Variants in TACR3 observed in about 807,000 individuals in gnomAD.
TACR3 encodes tachykinin receptor 3, also known as neuromedin-K receptor.
TACR3 carries 34 observed loss-of-function variants against 35.0 expected under a neutral mutation model. The ratio of observed to expected loss-of-function variants is 0.97; its 90% confidence interval spans 0.74 to 1.30. The LOEUF (loss-of-function observed/expected upper bound fraction) is 1.30, where lower values mean the gene tolerates loss of function less well. TACR3 is among the 50% of genes most tolerant of loss of function. The pLI is 0.00. For synonymous variants in TACR3, 233 were observed against 221.1 expected (o/e 1.05, Z -0.48); for missense variants, 558 against 591.7 (o/e 0.94, Z 0.59).
chr4:103,698,684 T>A (rs1046415343), intron 1 of TACR3, among the ~76,000 whole-genome samples: 3 of 152,110 alleles, frequency 2.0e-5, no homozygotes, highest in Non-Finnish European at 4.4e-5. Context: ...AAATTTTTAA[T>A]AATGAACTCA....
At chr4:103,637,594 T>A (rs1240572396) in intron 3 of TACR3, among the ~76,000 whole-genome samples, 1 of 152,104 alleles carries the variant, frequency 6.6e-6, no homozygotes, top group Admixed American at 6.6e-5. Context: ...GCCAGGGCAA[T>A]CAGGCAGGAG....
chr4:103,642,737 T>G (rs537897706), intron 3 of TACR3, among the ~76,000 whole-genome samples: 1 of 151,934 alleles, frequency 6.6e-6, no homozygotes, highest in Non-Finnish European at 1.5e-5. Context: ...TACATTCCAG[T>G]GTTTAATAAC....
intron 3 of TACR3, among the ~76,000 whole-genome samples, chr4:103,641,751 T>C (rs774316716): frequency 4.5e-4 from 68 of 152,004 alleles, no homozygotes; most frequent in Middle Eastern, 3.4e-3. Flanking sequence ...GATGAATGGA[T>C]AAAAAACGTG....
chr4:103,625,777 A>T (rs1395359152), intron 3 of TACR3, among the ~76,000 whole-genome samples: 1 of 152,130 alleles, frequency 6.6e-6, no homozygotes, highest in Non-Finnish European at 1.5e-5. Flanking sequence ...TCCTCCTAAA[A>T]TTTTTTTGTT....
At chr4:103,605,876 G>GT (rs1373767041) in intron 3 of TACR3, among the ~76,000 whole-genome samples, 2 of 152,184 alleles carry the variant, frequency 1.3e-5, no homozygotes, top group African/African-American at 4.8e-5. Context: ...GGCTTTTGGT[G>GT]TTTTAGACAT....
chr4:103,609,644 G>T (rs1480014166), intron 3 of TACR3, among the ~76,000 whole-genome samples: 1 of 152,030 alleles, frequency 6.6e-6, no homozygotes, highest in African/African-American at 2.4e-5. Context: ...ATTTTGAAGT[G>T]TACAATACAT....
At chr4:103,705,715 G>T (rs1560539183) in intron 1 of TACR3, among the ~76,000 whole-genome samples, 1 of 152,086 alleles carries the variant, frequency 6.6e-6, no homozygotes, top group Admixed American at 6.6e-5. Flanking sequence ...AGCTAATGAG[G>T]AATTGGAAGA....
At chr4:103,625,378 G>C (rs1026692949) in intron 3 of TACR3, among the ~76,000 whole-genome samples, 1 of 151,964 alleles carries the variant, frequency 6.6e-6, no homozygotes, top group Non-Finnish European at 1.5e-5. Context: ...AAATGAAAAG[G>C]TGAAATAATT....
intron 1 of TACR3, among the ~76,000 whole-genome samples, chr4:103,686,966 T>A (rs2110213906): frequency 1.3e-5 from 2 of 152,300 alleles, no homozygotes; most frequent in East Asian, 1.9e-4. Flanking sequence ...TAGACCAATG[T>A]CCTTGATGAA....
intron 3 of TACR3, among the ~76,000 whole-genome samples, chr4:103,617,927 GAA>G (rs1037144021): frequency 6.6e-6 from 1 of 151,924 alleles, no homozygotes; most frequent in Non-Finnish European, 1.5e-5. Flanking sequence ...AATTAGGAGA[GAA>G]AAAAATATCA....
In TACR3 at chr4:103,587,433, A is replaced by G. The variant is rs1723790396; in HGVS notation, c.*2249T>C. ...AGGGAGGTGCTCGGTAAGCAACACAACAATATGTATGTTCACAGAAGCCAA... is the reference window on the plus strand; with the variant it reads ...AGGGAGGTGCTCGGTAAGCAACACAGCAATATGTATGTTCACAGAAGCCAA... On this transcript the variant is annotated 3_prime_UTR_variant, in exon 5 of 5. Coordinates refer to ENST00000304883, the MANE Select transcript of TACR3 (RefSeq NM_001059.3). The G allele has an allele frequency of 6.6e-6, 1 of 152,236 alleles. No individual in the cohort carries two copies. Among genetic ancestry groups the G allele is most frequent in the African/African-American group, 2.4e-5 (1 of 41,568 alleles). 9.4% of individuals were successfully genotyped at this position (152,236 alleles called of 1,614,324 possible). A position where few individuals can be genotyped will look rare whatever the true frequency, so the allele number is the denominator to read the frequency against.
At chr4:103,604,029 G>GA (rs1174753799) in intron 3 of TACR3, among the ~76,000 whole-genome samples, 1 of 152,212 alleles carries the variant, frequency 6.6e-6, no homozygotes, top group East Asian at 1.9e-4. Context: ...CACAGAATTA[G>GA]AAAAAACTAT....
chr4:103,599,651 T>G lies in TACR3; in HGVS notation c.889-7968A>C, dbSNP rs34526303. On this transcript the variant is annotated intron_variant, in intron 3 of 4. Coordinates refer to ENST00000304883, the MANE Select transcript of TACR3 (RefSeq NM_001059.3). Reference sequence around the variant, plus strand: ...CCCATCAATACCTAATTTATTGAGATTTTTTAGCATGAAGTGCTGTTGAAT... The same window carrying G: ...CCCATCAATACCTAATTTATTGAGAGTTTTTAGCATGAAGTGCTGTTGAAT... 2.0e-4 allele frequency among the ~76,000 whole-genome samples: 30 copies of G among 152,232 alleles called. No individual in the cohort carries two copies. The South Asian group carries it at 3.3e-3, about 17-fold the overall frequency.
At chr4:103,689,158 C>A (rs1430550668) in intron 1 of TACR3, among the ~76,000 whole-genome samples, 1 of 148,960 alleles carries the variant, frequency 6.7e-6, no homozygotes, top group Non-Finnish European at 1.5e-5. Context: ...GAACAAAAAA[C>A]CAAACACCGC....
intron 1 of TACR3, among the ~76,000 whole-genome samples, chr4:103,695,635 T>G (rs1481532433): frequency 6.6e-6 from 1 of 151,990 alleles, no homozygotes; most frequent in East Asian, 1.9e-4. Context: ...ACACAATTAT[T>G]TTTACTGTGC....
In TACR3 at chr4:103,713,018, T is replaced by C. The variant is rs150547277; in HGVS notation, c.548+6110A>G. On this transcript the variant is annotated intron_variant, in intron 1 of 4. Transcript: ENST00000304883. ...GTAGAGAAATAGGAACACTTTTACA[T>C]TGTTGGTGGAACTGTAAACTAGTTC... Among the ~76,000 whole-genome samples, 3,182 of 152,116 alleles carry C rather than the reference T, an allele frequency of 0.021. 199 individuals carry two copies. The East Asian group carries it at 0.22, about 10-fold the overall frequency.
intron 1 of TACR3, among the ~76,000 whole-genome samples, chr4:103,697,643 C>A (rs1722552124): frequency 6.6e-6 from 1 of 151,908 alleles, no homozygotes; most frequent in Admixed American, 6.6e-5. Context: ...CCAGGATAGT[C>A]TCGATCTCCT....
At chr4:103,710,486 A>T (rs1722919113) in intron 1 of TACR3, among the ~76,000 whole-genome samples, 2 of 148,576 alleles carry the variant, frequency 1.3e-5, no homozygotes, top group Non-Finnish European at 3.0e-5. Flanking sequence ...AGACACATAT[A>T]AAGCTGTGTG....
intron 3 of TACR3, among the ~76,000 whole-genome samples, chr4:103,627,436 A>C (rs1344363325): frequency 1.3e-5 from 2 of 151,444 alleles, no homozygotes; most frequent in Non-Finnish European, 2.9e-5. Context: ...AGGCATGAGA[A>C]TCACTTGAAC....
Sources: gnomAD v4.1 joint callset for allele counts (sites outside exome capture counted in the v4.1 genomes callset) on GRCh38, gnomAD v4.1.1 for gene constraint, MANE v1.5 for transcripts, NCBI Gene and HGNC (gene_info 2026-07-23, HGNC 2026-07-21) for gene names.